TAF5L: variants seen among roughly 807,000 people sequenced by gnomAD.
TAF5L encodes the protein TATA-box binding protein associated factor 5 like.
A neutral mutation model predicts 51.3 loss-of-function variants in TAF5L; 7 were observed. That is an observed-to-expected ratio of 0.14 (90% CI 0.08 to 0.26). TAF5L has a LOEUF of 0.26. Among genes scored for constraint, TAF5L ranks in the 10% least tolerant of loss-of-function variants. The probability of loss-of-function intolerance (pLI) is 1.00; values close to 1 mark genes in which losing one functional copy is unlikely to be tolerated. For synonymous variants in TAF5L, 291 were observed against 308.1 expected, an observed-to-expected ratio of 0.94 and a Z score of 0.58; for missense variants, 575 against 758.9, an observed-to-expected ratio of 0.76 and a Z score of 2.85.
rs756074079 is a variant in TAF5L, at chr1:229,611,580, ACTC to A, written c.143-1373_143-1371del. ...CTGCAAGCCTGCATGCAAGGGAGGG[ACTC>A]CTCCTCCTTCTTCTTGCCCCCCGCT... is the stretch of plus-strand genomic sequence containing the variant. On this transcript the variant is annotated intron_variant, in intron 2 of 4. Transcript: ENST00000258281. Among the ~76,000 whole-genome samples, 409 of 151,006 alleles carry A rather than the reference ACTC, an allele frequency of 2.7e-3. 3 individuals are homozygous for A. The highest frequency in any genetic ancestry group is 4.4e-3 in the Non-Finnish European group (300 of 67,706).
In TAF5L at chr1:229,625,622, T is replaced by C. The variant is rs1665421406; in HGVS notation, c.-4+263A>G. ...CCCCTGCGCAGGAACGCGACGCCAG[T>C]CCAGGTGTAGCCGCCGACTGCAGGC... On this transcript the variant is annotated intron_variant, in intron 1 of 4. Transcript: ENST00000258281. This position sits in a 1 kb window ranked among gnomAD's most constrained non-coding sequence, Gnocchi z 4.0. 6.6e-6 allele frequency among the ~76,000 whole-genome samples: 1 copy of C among 150,994 alleles called. No homozygotes were observed. Among genetic ancestry groups the C allele is most frequent in the South Asian group, 2.1e-4 (1 of 4,784 alleles).
At chr1:229,614,254 TGAGAA>T in intron 2 of TAF5L, 82 bp downstream of exon 2, 3 of 1,611,032 alleles carry the variant, frequency 1.9e-6, no homozygotes, top group Non-Finnish European at 2.5e-6. Context: ...GGCACTGTCT[TGAGAA>T]GAGGAGAAGT....
intron 4 of TAF5L, chr1:229,600,240 T>G (rs1204733780): frequency 2.0e-6 from 2 of 985,260 alleles, no homozygotes; most frequent in East Asian, 2.3e-4. Flanking sequence ...CAAATTGCTG[T>G]GATAAAATGG....
At chr1:229,606,619 G>C in intron 3 of TAF5L, 1 of 985,402 alleles carries the variant, frequency 1.0e-6, no homozygotes, top group Non-Finnish European at 1.2e-6. Context: ...ACTTGGTCCT[G>C]TCGTCACTCC....
In TAF5L at chr1:229,602,957, A is replaced by G. The variant is rs190993597; in HGVS notation, c.248-38T>C. Reference sequence around the variant, plus strand: ...AAAAAGAAGGCTTTATAATCAGCATAATCTTACAGAATAACGTGATCCCTC... The same window carrying G: ...AAAAAGAAGGCTTTATAATCAGCATGATCTTACAGAATAACGTGATCCCTC... On this transcript the variant is annotated intron_variant, in intron 3 of 4. Transcript: ENST00000258281. The surrounding 1 kb of genome is among the most constrained non-coding windows in gnomAD (Gnocchi z 4.6). The G allele has an allele frequency of 6.5e-7, 1 of 1,537,542 alleles. No homozygotes were observed. Among genetic ancestry groups the G allele is most frequent in the African/African-American group, 1.4e-5 (1 of 72,786 alleles).
chr1:229,610,458 G>C (rs1664747346), intron 2 of TAF5L, among the ~76,000 whole-genome samples: 1 of 152,228 alleles, frequency 6.6e-6, no homozygotes, highest in African/African-American at 2.4e-5. Flanking sequence ...ACAGGATAAG[G>C]TGAATGAGAG....
intron 1 of TAF5L, among the ~76,000 whole-genome samples, chr1:229,623,791 G>T (rs935326395): frequency 3.9e-5 from 6 of 152,194 alleles, no homozygotes; most frequent in Non-Finnish European, 8.8e-5. Context: ...GAAAGCTGAG[G>T]CGCAAAGAAG....
chr1:229,622,495 T>G (rs1013502949), intron 1 of TAF5L, among the ~76,000 whole-genome samples: 2 of 152,150 alleles, frequency 1.3e-5, no homozygotes, highest in African/African-American at 4.8e-5. Context: ...AGCTTTGAGA[T>G]TTGGAATAAA....
intron 4 of TAF5L, chr1:229,599,206 A>G (rs1664266551): frequency 4.4e-6 from 4 of 904,824 alleles, no homozygotes; most frequent in Non-Finnish European, 5.3e-6. Context: ...CTGTGAATTC[A>G]GTTTTATTTG....
At chr1:229,606,268 T>C in intron 3 of TAF5L, 1 of 879,860 alleles carries the variant, frequency 1.1e-6, no homozygotes, top group Non-Finnish European at 1.4e-6. Context: ...TTTTAAATTA[T>C]TCCCTTGCAA....
chr1:229,620,096 C>T (rs1239150088), intron 1 of TAF5L, among the ~76,000 whole-genome samples: 1 of 152,146 alleles, frequency 6.6e-6, no homozygotes, highest in Non-Finnish European at 1.5e-5. Context: ...CTCTCCCTTA[C>T]TTCAAAGAGG....
chr1:229,601,486 G>C (rs185977965), intron 4 of TAF5L: 183 of 985,416 alleles, frequency 1.9e-4, no homozygotes, highest in Non-Finnish European at 1.6e-4. Flanking sequence ...CTAAGGTAGT[G>C]ATTTTTGGTG....
chr1:229,624,665 ACAGTT>A (rs1665361956), intron 1 of TAF5L, among the ~76,000 whole-genome samples: 1 of 152,206 alleles, frequency 6.6e-6, no homozygotes, highest in African/African-American at 2.4e-5. Context: ...TGAGGAAACT[ACAGTT>A]CAGAGAGGTT....
At chr1:229,612,638 G>T (rs1266328101) in intron 2 of TAF5L, among the ~76,000 whole-genome samples, 1 of 152,174 alleles carries the variant, frequency 6.6e-6, no homozygotes, top group Admixed American at 6.5e-5. Context: ...TTCTGTTAGT[G>T]TTTCAGAGGA....
chr1:229,616,332 T>C (rs1391305969), intron 1 of TAF5L, among the ~76,000 whole-genome samples: 2 of 151,992 alleles, frequency 1.3e-5, no homozygotes, highest in African/African-American at 4.8e-5. Context: ...TTTTTTAAGA[T>C]GTAAAATTCC....
At chr1:229,603,240 AT>A (rs1558147490) in intron 3 of TAF5L, among the ~76,000 whole-genome samples, 1 of 152,046 alleles carries the variant, frequency 6.6e-6, no homozygotes, top group Non-Finnish European at 1.5e-5. Flanking sequence ...AAGATTTAGT[AT>A]TTTTTCCCAA....
At chr1:229,624,695 A>G (rs1665363253) in intron 1 of TAF5L, among the ~76,000 whole-genome samples, 2 of 152,166 alleles carry the variant, frequency 1.3e-5, no homozygotes, top group Non-Finnish European at 1.5e-5. Context: ...AGATGGCTAC[A>G]TGGTTTCCAT....
Position 229,602,095 on chromosome 1 carries a change from G to A in TAF5L, c.972+100C>T, listed in dbSNP as rs1558146146. On this transcript the variant is annotated intron_variant, in intron 4 of 4. Transcript: ENST00000258281. The surrounding 1 kb of genome is among the most constrained non-coding windows in gnomAD (Gnocchi z 4.6). ...AGTCTGGCTTTAGCTATATGATGAGGGAAACTAGGAAGTCCATTCTAAGAT... is the reference window on the plus strand; with the variant it reads ...AGTCTGGCTTTAGCTATATGATGAGAGAAACTAGGAAGTCCATTCTAAGAT... 1.3e-6 allele frequency: 2 copies of A among 1,524,228 alleles called. No individual in the cohort carries two copies. Among genetic ancestry groups the A allele is most frequent in the Admixed American group, 2.1e-5 (1 of 46,892 alleles). 94.4% of individuals were successfully genotyped at this position (1,524,228 alleles called of 1,614,324 possible). A position where few individuals can be genotyped will look rare whatever the true frequency, so the allele number is the denominator to read the frequency against.
intron 1 of TAF5L, among the ~76,000 whole-genome samples, chr1:229,622,776 TAA>T (rs544575557): frequency 3.3e-5 from 5 of 151,124 alleles, no homozygotes; most frequent in African/African-American, 1.2e-4. Context: ...CCTGGTTAGT[TAA>T]AAAAAAAATT....
Sources: gnomAD v4.1 joint callset for allele counts (sites outside exome capture counted in the v4.1 genomes callset) on GRCh38, gnomAD v4.1.1 for gene constraint, Gnocchi (gnomAD v3.1) non-coding constraint, MANE v1.5 for transcripts, NCBI Gene and HGNC (gene_info 2026-07-23, HGNC 2026-07-21) for gene names.